The following RAB3C variants were observed in gnomAD, a reference collection of about 807,000 sequenced individuals.
The protein encoded by RAB3C is RAB3C, member RAS oncogene family, also known as ras-related protein Rab-3C.
RAB3C carries 17 observed loss-of-function variants against 26.4 expected under a neutral mutation model. That is an observed-to-expected ratio of 0.64 (90% CI 0.44 to 0.97). The LOEUF is 0.97. RAB3C is among the 50% of genes least tolerant of loss of function. The probability of loss-of-function intolerance (pLI) is 0.00; values close to 1 mark genes in which losing one functional copy is unlikely to be tolerated. For missense variants in RAB3C, 242 were observed against 281.9 expected, an observed-to-expected ratio of 0.86 and a Z score of 1.01; for synonymous variants, 91 against 95.9, an observed-to-expected ratio of 0.95 and a Z score of 0.30.
intron 2 of RAB3C, among the ~76,000 whole-genome samples, chr5:58,662,666 A>T (rs1262244401): frequency 6.7e-6 from 1 of 150,192 alleles, no homozygotes; most frequent in Admixed American, 6.6e-5. Context: ...GAAACATGCA[A>T]AACAAAGAAA....
At chr5:58,615,168 A>G (rs1381313569) in intron 1 of RAB3C, among the ~76,000 whole-genome samples, 1 of 152,156 alleles carries the variant, frequency 6.6e-6, no homozygotes, top group East Asian at 1.9e-4. Context: ...AGCAGTCTTC[A>G]TTACAACTTT....
intron 2 of RAB3C, among the ~76,000 whole-genome samples, chr5:58,667,318 T>C (rs994047219): frequency 6.6e-6 from 1 of 152,178 alleles, no homozygotes; most frequent in Non-Finnish European, 1.5e-5. Flanking sequence ...TCTGGGAATC[T>C]ATTGTTTTCC....
At chr5:58,756,322 T>C (rs1033697306) in intron 3 of RAB3C, among the ~76,000 whole-genome samples, 3 of 140,008 alleles carry the variant, frequency 2.1e-5, no homozygotes, top group African/African-American at 8.7e-5. Flanking sequence ...AGTAGTTATA[T>C]ATATATATAT....
chr5:58,626,928 G>A (rs1747064222), intron 2 of RAB3C, among the ~76,000 whole-genome samples: 2 of 152,058 alleles, frequency 1.3e-5, no homozygotes, highest in Admixed American at 1.3e-4. Context: ...TTGACAAGGT[G>A]GCATATCTTC....
chr5:58,801,751 T>C (rs967806921), intron 3 of RAB3C, among the ~76,000 whole-genome samples: 5 of 152,258 alleles, frequency 3.3e-5, no homozygotes, highest in African/African-American at 1.2e-4. Context: ...TGTTGCAATG[T>C]AAATAACTTG....
Position 58,807,836 on chromosome 5 carries a change from AT to A in RAB3C, c.372-17199del, listed in dbSNP as rs566469045. On this transcript the variant is annotated intron_variant, in intron 3 of 4. Transcript: ENST00000282878. ...ACTCTCCAGTAGAATAAAAAAAAAA[AT>A]TTAAGAAGAAATATAGTAAATGTAG... Among the ~76,000 whole-genome samples the A allele has an allele frequency of 2.8e-4, 42 of 150,640 alleles. 1 individual carries two copies. In the South Asian group the frequency reaches 8.4e-3, roughly 30 times the overall value.
intron 2 of RAB3C, among the ~76,000 whole-genome samples, chr5:58,628,168 A>AC (rs1464308073): frequency 6.7e-6 from 1 of 149,676 alleles, no homozygotes; most frequent in African/African-American, 2.5e-5. Flanking sequence ...AAAAAAAAAA[A>AC]AAAAAAAAAA....
chr5:58,665,728 ACTC>A (rs1437622851), intron 2 of RAB3C, among the ~76,000 whole-genome samples: 2 of 152,106 alleles, frequency 1.3e-5, no homozygotes, highest in Non-Finnish European at 2.9e-5. Flanking sequence ...ACTCCGTGTT[ACTC>A]ATTTTCTATC....
At chr5:58,740,779 C>T (rs904818427) in intron 3 of RAB3C, among the ~76,000 whole-genome samples, 2 of 152,090 alleles carry the variant, frequency 1.3e-5, no homozygotes, top group Non-Finnish European at 2.9e-5. Flanking sequence ...GAGATCATGC[C>T]ACTGCACTCC....
intron 4 of RAB3C, among the ~76,000 whole-genome samples, chr5:58,844,956 A>G (rs147384207): frequency 1.9e-4 from 29 of 152,346 alleles, no homozygotes; most frequent in African/African-American, 6.7e-4. Context: ...TGGTGTAGCT[A>G]TTGATGGGTG....
intron 4 of RAB3C, 38 bp from the exon 5 acceptor site, chr5:58,851,126 C>G (rs1441294011): frequency 1.3e-6 from 2 of 1,549,352 alleles, no homozygotes; most frequent in South Asian, 2.5e-5. Flanking sequence ...TTCAGAAATG[C>G]AAAATAACCA....
At chr5:58,810,082 T>TA (rs1297392382) in intron 3 of RAB3C, among the ~76,000 whole-genome samples, 1 of 152,112 alleles carries the variant, frequency 6.6e-6, no homozygotes, top group African/African-American at 2.4e-5. Flanking sequence ...AGTGGAACAA[T>TA]AGAGCTGTTG....
Position 58,738,818 on chromosome 5 carries a change from A to G in RAB3C, c.371+12698A>G, listed in dbSNP as rs192018099. On this transcript the variant is annotated intron_variant, in intron 3 of 4. Coordinates refer to ENST00000282878, the MANE Select transcript of RAB3C (RefSeq NM_138453.4). The stretch of plus-strand genomic sequence containing the variant: ...TCTTAATATGCAGTTATGTGTTACA[A>G]TATTTATTGCAAATACTAGCATTTT... Among the ~76,000 whole-genome samples the G allele has an allele frequency of 1.5e-4, 23 of 152,312 alleles. No individual in the cohort carries two copies. In the East Asian group the frequency reaches 4.4e-3, roughly 29 times the overall value.
At chr5:58,685,448 A>G (rs1161638431) in intron 2 of RAB3C, among the ~76,000 whole-genome samples, 1 of 152,142 alleles carries the variant, frequency 6.6e-6, no homozygotes, top group Non-Finnish European at 1.5e-5. Flanking sequence ...GACTTATGTG[A>G]TTACATTGAG....
At position 58,798,200 on chromosome 5, in the gene RAB3C, T is replaced by G. The variant is rs180940773; in HGVS notation, c.372-26838T>G. Among the ~76,000 whole-genome samples, 546 of 152,090 alleles carry G rather than the reference T, an allele frequency of 3.6e-3. 3 individuals carry two copies. The highest frequency in any genetic ancestry group is 0.013 in the African/African-American group (519 of 41,490). ...TTGTAGTCATTGATTCAGGCAGAGG[T>G]CATCAATGGATGCTAAAACATCCTG... is the stretch of plus-strand genomic sequence containing the variant. On this transcript the variant is annotated intron_variant, in intron 3 of 4. Transcript: ENST00000282878.
At chr5:58,666,564 A>G (rs993360146) in intron 2 of RAB3C, among the ~76,000 whole-genome samples, 6 of 152,228 alleles carry the variant, frequency 3.9e-5, no homozygotes, top group African/African-American at 1.4e-4. Context: ...TGCAAAAGAT[A>G]TTGAATCTCT....
At chr5:58,667,186 T>C (rs1748020079) in intron 2 of RAB3C, among the ~76,000 whole-genome samples, 1 of 152,174 alleles carries the variant, frequency 6.6e-6, no homozygotes, top group African/African-American at 2.4e-5. Flanking sequence ...GGGTAGGCCT[T>C]ACTGAGCTTG....
chr5:58,648,018 A>G (rs1427042189), intron 2 of RAB3C, among the ~76,000 whole-genome samples: 1 of 152,226 alleles, frequency 6.6e-6, no homozygotes, highest in Admixed American at 6.5e-5. Flanking sequence ...TAAAAACCAC[A>G]GTTTTTATCT....
At chr5:58,834,894 T>C (rs1455000882) in intron 4 of RAB3C, among the ~76,000 whole-genome samples, 7 of 152,184 alleles carry the variant, frequency 4.6e-5, no homozygotes, top group Non-Finnish European at 8.8e-5. Flanking sequence ...CATAATCTTA[T>C]GGATCTCCAC....
Sources: gnomAD v4.1 joint callset for allele counts (sites outside exome capture counted in the v4.1 genomes callset) on GRCh38, gnomAD v4.1.1 for gene constraint, MANE v1.5 for transcripts, NCBI Gene and HGNC (gene_info 2026-07-23, HGNC 2026-07-21) for gene names.